TFPI: variants seen among roughly 807,000 people sequenced by gnomAD.
The protein encoded by TFPI is tissue factor pathway inhibitor.
In TFPI, 15 loss-of-function variants were observed where a neutral mutation model predicts 34.6. The ratio of observed to expected loss-of-function variants is 0.43; its 90% confidence interval spans 0.29 to 0.67. TFPI has a LOEUF of 0.67. Ranked by LOEUF, TFPI falls within the 30% of genes least tolerant of loss-of-function variation. The probability of loss-of-function intolerance (pLI) is 0.15; values close to 1 mark genes in which losing one functional copy is unlikely to be tolerated. For synonymous variants in TFPI, 105 were observed against 120.1 expected (o/e 0.87, Z 0.82); for missense variants, 301 against 364.0 (o/e 0.83, Z 1.41).
chr2:187,546,739 T>C (rs1305234606), intron 1 of TFPI: 5 of 152,224 alleles, frequency 3.3e-5, no homozygotes, highest in Admixed American at 6.5e-5. Flanking sequence ...GTACCTGTTA[T>C]TGAGTGAGAT....
chr2:187,542,735 C>T (rs746648407), intron 1 of TFPI, among the ~76,000 whole-genome samples: 1 of 151,748 alleles, frequency 6.6e-6, no homozygotes, highest in African/African-American at 2.4e-5. Flanking sequence ...GGCGTGGTGG[C>T]GTGTGCCTGT....
intron 1 of TFPI, among the ~76,000 whole-genome samples, chr2:187,531,589 T>A (rs771839968): frequency 2.0e-5 from 3 of 152,148 alleles, no homozygotes; most frequent in South Asian, 2.1e-4. Flanking sequence ...ATATGATTTA[T>A]ATGATCATGA....
intron 6 of TFPI, among the ~76,000 whole-genome samples, chr2:187,483,527 T>G (rs1693034313): frequency 1.3e-5 from 2 of 152,014 alleles, no homozygotes; most frequent in Non-Finnish European, 2.9e-5. Flanking sequence ...TTTCCAGTAT[T>G]TTCACTATTT....
chr2:187,491,373 A>T (rs578076338), intron 3 of TFPI, among the ~76,000 whole-genome samples: 5 of 151,762 alleles, frequency 3.3e-5, no homozygotes, highest in Non-Finnish European at 7.4e-5. Flanking sequence ...CTGAGTGTCC[A>T]TTGTCTATTA....
chr2:187,531,818 G>C (rs574788276), intron 1 of TFPI, among the ~76,000 whole-genome samples: 34 of 152,078 alleles, frequency 2.2e-4, no homozygotes, highest in African/African-American at 8.2e-4. Context: ...ATTCATTATA[G>C]TTAAATAAAA....
intron 1 of TFPI, among the ~76,000 whole-genome samples, chr2:187,524,854 T>C (rs781779887): frequency 2.0e-5 from 3 of 151,962 alleles, no homozygotes; most frequent in Non-Finnish European, 4.4e-5. Context: ...ATTTTTCAAG[T>C]CAAAGAAAAC....
intron 1 of TFPI, among the ~76,000 whole-genome samples, chr2:187,532,731 A>C (rs1381210510): frequency 1.3e-5 from 2 of 152,048 alleles, no homozygotes; most frequent in Admixed American, 1.3e-4. Context: ...AGTGAGACAG[A>C]ACCATCATCC....
intron 6 of TFPI, among the ~76,000 whole-genome samples, chr2:187,468,495 C>G (rs1691845923): frequency 6.6e-6 from 1 of 152,020 alleles, no homozygotes; most frequent in Admixed American, 6.6e-5. Context: ...TTTTAAGTTT[C>G]AAGGAATGAG....
At chr2:187,539,249 G>A (rs1235313474) in intron 1 of TFPI, among the ~76,000 whole-genome samples, 1 of 152,138 alleles carries the variant, frequency 6.6e-6, no homozygotes, top group East Asian at 1.9e-4. Context: ...GTAAGGACCA[G>A]TGATAATAAA....
intron 1 of TFPI, among the ~76,000 whole-genome samples, chr2:187,536,275 A>G (rs367738996): frequency 6.6e-6 from 1 of 152,182 alleles, no homozygotes; most frequent in Non-Finnish European, 1.5e-5. Context: ...GCAGAGACAC[A>G]TGCACAAAAA....
intron 2 of TFPI, among the ~76,000 whole-genome samples, chr2:187,501,505 G>T (rs1054531057): frequency 1.3e-5 from 2 of 151,744 alleles, no homozygotes; most frequent in African/African-American, 4.8e-5. Flanking sequence ...TTTATTTTCT[G>T]GCAGGGAAGA....
intron 2 of TFPI, among the ~76,000 whole-genome samples, chr2:187,502,463 A>G (rs1352869894): frequency 1.3e-5 from 2 of 152,290 alleles, no homozygotes; most frequent in Admixed American, 6.5e-5. Flanking sequence ...GAATGTTAGA[A>G]TTTTAACCCA....
intron 6 of TFPI, among the ~76,000 whole-genome samples, chr2:187,482,481 T>C (rs1337388598): frequency 6.6e-6 from 1 of 152,064 alleles, no homozygotes. Flanking sequence ...GAAGTAGTAT[T>C]TAAAAATTAG....
At chr2:187,489,182 G>A (rs1684930555) in intron 3 of TFPI, among the ~76,000 whole-genome samples, 1 of 151,552 alleles carries the variant, frequency 6.6e-6, no homozygotes, top group South Asian at 2.1e-4. Flanking sequence ...TAGAAAGGGA[G>A]CGAGAGAGAG....
chr2:187,480,933 A>T lies in TFPI; in HGVS notation c.628+3191T>A, dbSNP rs138108144. 4.5e-4 allele frequency among the ~76,000 whole-genome samples: 68 copies of T among 152,224 alleles called. No homozygotes were observed. The East Asian group carries it at 0.013, about 28-fold the overall frequency. ...TCAAGAAAGCTTACTGGAAAAATATATCTTGAAAGCCATTTACAACATTCC... is the reference window on the plus strand; with the variant it reads ...TCAAGAAAGCTTACTGGAAAAATATTTCTTGAAAGCCATTTACAACATTCC... On this transcript the variant is annotated intron_variant, in intron 6 of 7. Transcript: ENST00000233156.
At chr2:187,471,497 CAG>C (rs1008801061) in intron 6 of TFPI, among the ~76,000 whole-genome samples, 5 of 152,050 alleles carry the variant, frequency 3.3e-5, no homozygotes, top group Non-Finnish European at 5.9e-5. Flanking sequence ...TAATTATTGA[CAG>C]AAAGTTAAGA....
At chr2:187,546,550 G>A (rs1161619886) in intron 1 of TFPI, among the ~76,000 whole-genome samples, 1 of 151,186 alleles carries the variant, frequency 6.6e-6, no homozygotes, top group Non-Finnish European at 1.5e-5. Flanking sequence ...AATAAAAAAC[G>A]AATGCAAGAT....
chr2:187,533,428 T>A (rs1688076742), intron 1 of TFPI, among the ~76,000 whole-genome samples: 1 of 152,160 alleles, frequency 6.6e-6, no homozygotes, highest in Non-Finnish European at 1.5e-5. Flanking sequence ...AAACAGGGTC[T>A]GGAGTGGACC....
chr2:187,484,680 A>G (rs1012192477), intron 5 of TFPI, 131 bp downstream of exon 5: 2 of 734,582 alleles, frequency 2.7e-6, no homozygotes, highest in African/African-American at 3.8e-5. Flanking sequence ...CAAATCTCAC[A>G]TTGAATGCAC....
Sources: gnomAD v4.1 joint callset for allele counts (sites outside exome capture counted in the v4.1 genomes callset) on GRCh38, gnomAD v4.1.1 for gene constraint, MANE v1.5 for transcripts, NCBI Gene and HGNC (gene_info 2026-07-23, HGNC 2026-07-21) for gene names.